Variants in USP34 observed in about 807,000 individuals in gnomAD.
The protein encoded by USP34 is ubiquitin specific peptidase 34, also known as ubiquitin carboxyl-terminal hydrolase 34.
In USP34, 70 loss-of-function variants were observed where a neutral mutation model predicts 460.3. The ratio of observed to expected loss-of-function variants is 0.15; its 90% CI spans 0.13 to 0.19. The LOEUF (loss-of-function observed/expected upper bound fraction) is 0.19. USP34 is among the 10% of genes least tolerant of loss of function. The pLI, the probability that USP34 is intolerant of heterozygous loss-of-function variation, is 1.00. For missense variants in USP34, 3,985 were observed against 4,236.2 expected (o/e 0.94, Z 1.65); for synonymous variants, 1,647 against 1,405.3 (o/e 1.17, Z -3.85).
intron 43 of USP34, among the ~76,000 whole-genome samples, chr2:61,262,529 T>C (rs889757600): frequency 2.6e-5 from 4 of 152,090 alleles, no homozygotes; most frequent in African/African-American, 9.6e-5. Context: ...TCTTTTTTTA[T>C]GGCTGCATAG....
chr2:61,350,243 T>C lies in USP34; in HGVS notation c.1507+17A>G, dbSNP rs767443383. 3.8e-6 allele frequency: 6 copies of C among 1,583,378 alleles called. No individual in the cohort carries two copies. Among genetic ancestry groups the C allele is most frequent in the East Asian group, 2.2e-5 (1 of 44,472 alleles). On this transcript the variant is annotated intron_variant, in intron 12 of 79. Coordinates refer to ENST00000398571, the MANE Select transcript of USP34 (RefSeq NM_014709.4). ...AAGCTCTCAACAATTTACTTCAAAA[T>C]ACATGACATTACTAACCTTTCTTAT... is the stretch of plus-strand genomic sequence containing the variant.
At chr2:61,350,221 C>T in intron 12 of USP34, 39 bp downstream of exon 12, 1 of 1,551,900 alleles carries the variant, frequency 6.4e-7, no homozygotes, top group Non-Finnish European at 8.7e-7. Flanking sequence ...GAGTGAGAAG[C>T]TCTCAACAAT....
At chr2:61,366,128 G>C (rs1457598034) in intron 10 of USP34, among the ~76,000 whole-genome samples, 3 of 152,214 alleles carry the variant, frequency 2.0e-5, no homozygotes, top group African/African-American at 7.2e-5. Context: ...GTTTCATCAT[G>C]TTGGTCAGGC....
intron 41 of USP34, among the ~76,000 whole-genome samples, chr2:61,269,901 A>G (rs544578295): frequency 4.1e-4 from 62 of 152,240 alleles, no homozygotes; most frequent in African/African-American, 1.4e-3. Context: ...AGCATTTATC[A>G]TTTCTTTTAT....
intron 75 of USP34, among the ~76,000 whole-genome samples, chr2:61,199,499 A>T (rs1039899376): frequency 6.6e-6 from 1 of 152,064 alleles, no homozygotes; most frequent in African/African-American, 2.4e-5. Context: ...CAGGTGATCC[A>T]CCCACCTCGG....
At chr2:61,463,930 A>G (rs181007203) in intron 1 of USP34, among the ~76,000 whole-genome samples, 177 of 152,282 alleles carry the variant, frequency 1.2e-3, no homozygotes, top group African/African-American at 3.3e-3. Flanking sequence ...TAAATTCTCT[A>G]AACCTTAGTT....
chr2:61,375,296 G>A (rs1176009575), intron 8 of USP34, among the ~76,000 whole-genome samples: 1 of 152,120 alleles, frequency 6.6e-6, no homozygotes, highest in African/African-American at 2.4e-5. Flanking sequence ...AATGCTAGTG[G>A]GGATGTAAAA....
intron 3 of USP34, among the ~76,000 whole-genome samples, chr2:61,397,441 TAAA>T (rs35650295): frequency 2.0e-4 from 26 of 131,236 alleles, no homozygotes; most frequent in Non-Finnish European, 2.1e-4. Context: ...AGGCTCCATC[TAAA>T]AAAAAAAAAA....
intron 41 of USP34, among the ~76,000 whole-genome samples, chr2:61,269,996 G>A (rs944741725): frequency 2.0e-5 from 3 of 152,082 alleles, no homozygotes; most frequent in Admixed American, 6.6e-5. Flanking sequence ...CTATGCTACT[G>A]AGCACTAGAA....
In USP34 at chr2:61,314,656, T is replaced by G; in HGVS notation, c.3471A>C (p.Ser1157=). ...TTTCTATAACCATGAGACTTGAGTG[T>G]GATTCCTGTTCAAGACTGCTAGAAG... ...MIASSSLEQE[S]HSSLMVIERG... is the part of the protein sequence containing the mutation. The change falls in exon 25 of 80, where the codon TCA becomes TCC. Residue 1157 remains serine (S), a synonymous_variant. Transcript: ENST00000398571. The G allele has an allele frequency of 6.2e-7, 1 of 1,603,672 alleles. No homozygotes were observed. The highest frequency in any genetic ancestry group is 8.5e-7 in the Non-Finnish European group (1 of 1,176,746).
At chr2:61,449,863 C>A (rs540198816) in intron 1 of USP34, among the ~76,000 whole-genome samples, 1 of 151,986 alleles carries the variant, frequency 6.6e-6, no homozygotes, top group Non-Finnish European at 1.5e-5. Context: ...GTCAGGAGTG[C>A]GAGACCAGCC....
At chr2:61,339,138 T>C (rs1691513279) in intron 18 of USP34, among the ~76,000 whole-genome samples, 1 of 152,108 alleles carries the variant, frequency 6.6e-6, no homozygotes, top group Non-Finnish European at 1.5e-5. Context: ...CAAAGAATGG[T>C]GAAAGGTGCT....
chr2:61,191,627 T>C (rs1466589002), intron 76 of USP34, among the ~76,000 whole-genome samples: 1 of 152,154 alleles, frequency 6.6e-6, no homozygotes, highest in African/African-American at 2.4e-5. Flanking sequence ...AGGCCTTATA[T>C]GGTTAGGCTT....
intron 62 of USP34, among the ~76,000 whole-genome samples, chr2:61,225,600 G>A (rs1361848432): frequency 6.6e-6 from 1 of 151,608 alleles, no homozygotes; most frequent in African/African-American, 2.4e-5. Flanking sequence ...AAAAGTTTTT[G>A]ATTTATAGTC....
intron 29 of USP34, among the ~76,000 whole-genome samples, chr2:61,299,765 T>C (rs1355910014): frequency 6.6e-6 from 1 of 150,800 alleles, no homozygotes; most frequent in Non-Finnish European, 1.5e-5. Flanking sequence ...AAAATAAAAA[T>C]AATAATAAAA....
chr2:61,417,089 G>C, intron 2 of USP34: 1 of 1,441,266 alleles, frequency 6.9e-7, no homozygotes, highest in East Asian at 2.3e-5. Context: ...TCAATCACAT[G>C]CGCCTTGTTC....
At chr2:61,302,333 C>T (rs1690254569) in intron 27 of USP34, among the ~76,000 whole-genome samples, 1 of 152,150 alleles carries the variant, frequency 6.6e-6, no homozygotes, top group Non-Finnish European at 1.5e-5. Flanking sequence ...AATTACCTTT[C>T]CCTTCACATA....
intron 15 of USP34, chr2:61,346,429 G>A (rs1423968654): frequency 1.1e-4 from 17 of 150,178 alleles, no homozygotes; most frequent in Admixed American, 1.0e-3. Context: ...AGAAAGCTGA[G>A]GCAGGAGGAT....
intron 18 of USP34, among the ~76,000 whole-genome samples, chr2:61,335,535 C>T (rs1340537572): frequency 6.6e-6 from 1 of 152,066 alleles, no homozygotes; most frequent in Non-Finnish European, 1.5e-5. Flanking sequence ...CAGACTGAGC[C>T]CAGGAGTTTG....
Sources: allele counts gnomAD v4.1 joint callset (sites outside exome capture counted in the v4.1 genomes callset), GRCh38; gene constraint gnomAD v4.1.1; transcripts MANE v1.5; gene names NCBI Gene and HGNC (gene_info 2026-07-23, HGNC 2026-07-21).